NCOA2: variants seen among roughly 807,000 people sequenced by gnomAD.
NCOA2 encodes nuclear receptor coactivator 2.
NCOA2 carries 21 observed loss-of-function variants against 145.1 expected under a neutral mutation model. That is an observed-to-expected ratio of 0.14 (90% CI 0.10 to 0.21). The LOEUF (loss-of-function observed/expected upper bound fraction) is 0.21, where lower values mean the gene tolerates loss of function less well. NCOA2 is among the 10% of genes least tolerant of loss of function. The pLI, the probability that NCOA2 is intolerant of heterozygous loss-of-function variation, is 1.00. For synonymous variants in NCOA2, 619 were observed against 637.5 expected (o/e 0.97, Z 0.44); for missense variants, 1,472 against 1,837.6 (o/e 0.80, Z 3.64).
chr8:70,315,861 A>G (rs141700555), intron 1 of NCOA2, among the ~76,000 whole-genome samples: 222 of 152,336 alleles, frequency 1.5e-3, no homozygotes, highest in African/African-American at 5.3e-3. Context: ...CCTTCCAGAG[A>G]GGAACCAAGA....
In NCOA2 at chr8:70,246,658, T is replaced by A. The variant is rs184881416; in HGVS notation, c.-19-29894A>T. ...CACATTCATACTGTTATGCAACAGA[T>A]CTCCTGAACTTTTTCATCTTGCAAA... On this transcript the variant is annotated intron_variant, in intron 2 of 22. Coordinates refer to ENST00000452400, the MANE Select transcript of NCOA2 (RefSeq NM_006540.4). Among the ~76,000 whole-genome samples the A allele has an allele frequency of 1.2e-4, 19 of 152,128 alleles. No homozygotes were observed. In the East Asian group the frequency reaches 3.5e-3, roughly 28 times the overall value.
Position 70,147,604 on chromosome 8 carries a change from T to C in NCOA2, c.2605+669A>G, listed in dbSNP as rs145506705. Among the ~76,000 whole-genome samples the C allele has an allele frequency of 2.5e-3, 380 of 152,338 alleles. No individual in the cohort carries two copies. In the Middle Eastern group the frequency reaches 0.027, roughly 11 times the overall value. ...AAGTTTGTAAACTGAGTGTTCATAGTAAACAAGTTTATCCTAAGCTTACAA... is the reference window on the plus strand; with the variant it reads ...AAGTTTGTAAACTGAGTGTTCATAGCAAACAAGTTTATCCTAAGCTTACAA... On this transcript the variant is annotated intron_variant, in intron 12 of 22. Coordinates refer to ENST00000452400, the MANE Select transcript of NCOA2 (RefSeq NM_006540.4).
At chr8:70,123,194 A>T (rs958286251) in intron 21 of NCOA2, among the ~76,000 whole-genome samples, 1 of 152,218 alleles carries the variant, frequency 6.6e-6, no homozygotes, top group Non-Finnish European at 1.5e-5. Flanking sequence ...CAATTATTTT[A>T]AAAAATCATT....
intron 1 of NCOA2, among the ~76,000 whole-genome samples, chr8:70,389,089 AC>A (rs1812938776): frequency 6.6e-6 from 1 of 152,224 alleles, no homozygotes; most frequent in African/African-American, 2.4e-5. Flanking sequence ...TTACTGTTTT[AC>A]AATAATATCA....
chr8:70,339,276 T>C (rs572699325), intron 1 of NCOA2, among the ~76,000 whole-genome samples: 308 of 152,198 alleles, frequency 2.0e-3, no homozygotes, highest in African/African-American at 7.1e-3. Context: ...CTAGCATTCC[T>C]ATACACCAAA....
At chr8:70,166,877 T>C (rs1813676293) in intron 6 of NCOA2, 123 bp from the exon 7 acceptor site, 2 of 880,340 alleles carry the variant, frequency 2.3e-6, no homozygotes, top group South Asian at 3.6e-5. Flanking sequence ...CTTTTATACT[T>C]GTCTAAATAC....
At chr8:70,345,646 C>A (rs1404616286) in intron 1 of NCOA2, among the ~76,000 whole-genome samples, 1 of 152,192 alleles carries the variant, frequency 6.6e-6, no homozygotes, top group Non-Finnish European at 1.5e-5. Context: ...TAGTATTTTT[C>A]TGCTACTGTT....
Position 70,144,715 on chromosome 8 carries a change from C to A in NCOA2, c.2739G>T (p.Val913=). The change falls in exon 13 of 23, where the codon GTG becomes GTT. Residue 913 remains valine (V), a synonymous_variant. Coordinates refer to ENST00000452400, the MANE Select transcript of NCOA2 (RefSeq NM_006540.4). ...TACCCATCATTCCTGGCTGAGGTAT[C>A]ACTGAGTAGGGACTACTGTTTCTGA... ...PPIRNSSPYS[V]IPQPGMMGNQ... is the part of the protein sequence containing the mutation. 1 of 1,613,980 alleles carries A rather than the reference C, an allele frequency of 6.2e-7. No homozygotes were observed. Among genetic ancestry groups the A allele is most frequent in the Non-Finnish European group, 8.5e-7 (1 of 1,179,890 alleles).
chr8:70,266,118 C>G (rs113426923), intron 2 of NCOA2, among the ~76,000 whole-genome samples: 7,532 of 152,276 alleles, frequency 0.049, 275 homozygotes, highest in East Asian at 0.16. Flanking sequence ...CTACTGCACT[C>G]CAGCCTGGGT....
chr8:70,128,023 A>C (rs552834112), intron 18 of NCOA2, among the ~76,000 whole-genome samples: 2 of 152,330 alleles, frequency 1.3e-5, no homozygotes, highest in East Asian at 3.9e-4. Flanking sequence ...CAGGTGTGCT[A>C]GATAAGCGCC....
At position 70,253,954 on chromosome 8, in the gene NCOA2, G is replaced by A. The variant is rs190631832; in HGVS notation, c.-19-37190C>T. Among the ~76,000 whole-genome samples the A allele has an allele frequency of 4.6e-5, 7 of 152,142 alleles. No homozygotes were observed. In the East Asian group the frequency reaches 1.4e-3, roughly 29 times the overall value. On this transcript the variant is annotated intron_variant, in intron 2 of 22. Transcript: ENST00000452400. ...AAGGCACTATCAACACAGTGAAAAGGCAACCCATGGACAGGCAAAAAAACT... is the reference window on the plus strand; with the variant it reads ...AAGGCACTATCAACACAGTGAAAAGACAACCCATGGACAGGCAAAAAAACT...
the NCOA2 span, among the ~76,000 whole-genome samples, chr8:70,430,121 A>T: frequency 2.6e-5 from 4 of 152,132 alleles, no homozygotes; most frequent in Non-Finnish European, 4.4e-5. Flanking sequence ...CCAAAGTGCT[A>T]GGATTACAGG....
intron 1 of NCOA2, among the ~76,000 whole-genome samples, chr8:70,350,216 A>T (rs1216275914): frequency 1.3e-5 from 2 of 152,176 alleles, no homozygotes; most frequent in African/African-American, 4.8e-5. Flanking sequence ...CAGTATCCAT[A>T]ATCATCTATG....
At chr8:70,147,313 T>A (rs1297199769) in intron 12 of NCOA2, among the ~76,000 whole-genome samples, 1 of 152,144 alleles carries the variant, frequency 6.6e-6, no homozygotes, top group Admixed American at 6.5e-5. Flanking sequence ...TCATCTGTCT[T>A]TTGTTTTTCC....
At chr8:70,261,007 C>T (rs1161839912) in intron 2 of NCOA2, among the ~76,000 whole-genome samples, 1 of 152,198 alleles carries the variant, frequency 6.6e-6, no homozygotes, top group Admixed American at 6.5e-5. Context: ...GTTGCTGGGA[C>T]TGTAAACTAG....
At chr8:70,171,712 G>A (rs998366635) in intron 5 of NCOA2, among the ~76,000 whole-genome samples, 1 of 152,154 alleles carries the variant, frequency 6.6e-6, no homozygotes, top group African/African-American at 2.4e-5. Context: ...GCCCAGCCTG[G>A]AGTACAGTGG....
intron 22 of NCOA2, among the ~76,000 whole-genome samples, chr8:70,120,411 T>C (rs980744036): frequency 6.6e-5 from 10 of 151,968 alleles, no homozygotes; most frequent in Admixed American, 5.2e-4. Flanking sequence ...CATGGTAATA[T>C]CATTCTCTTT....
intron 11 of NCOA2, among the ~76,000 whole-genome samples, chr8:70,150,150 C>T (rs1338613248): frequency 1.3e-5 from 2 of 152,194 alleles, no homozygotes; most frequent in East Asian, 3.8e-4. Context: ...ATTTTCCTAA[C>T]GCATTGTTAG....
chr8:70,247,825 A>G (rs1822756912), intron 2 of NCOA2, among the ~76,000 whole-genome samples: 2 of 152,256 alleles, frequency 1.3e-5, no homozygotes. Flanking sequence ...GACCAGATCA[A>G]TCGCAGCTAA....
Sources: gnomAD v4.1 joint callset for allele counts (sites outside exome capture counted in the v4.1 genomes callset) on GRCh38, gnomAD v4.1.1 for gene constraint, MANE v1.5 for transcripts, NCBI Gene and HGNC (gene_info 2026-07-23, HGNC 2026-07-21) for gene names.